Variants in TMEM163 observed in about 807,000 individuals in gnomAD.
The protein encoded by TMEM163 is transmembrane protein 163.
In TMEM163, 17 loss-of-function variants were observed where a neutral mutation model predicts 29.3. That is an observed-to-expected ratio of 0.58 (90% CI 0.40 to 0.87). The LOEUF (loss-of-function observed/expected upper bound fraction) is 0.87, where lower values mean the gene tolerates loss of function less well. TMEM163 is among the 40% of genes least tolerant of loss of function. TMEM163 has a pLI of 0.00. For missense variants in TMEM163, 303 were observed against 381.5 expected (o/e 0.79, Z 1.71); for synonymous variants, 157 against 160.6 (o/e 0.98, Z 0.17).
chr2:134,466,105 C>G lies in TMEM163; in HGVS notation c.667+9G>C. 6.2e-7 allele frequency: 1 copy of G among 1,606,954 alleles called. No homozygotes were observed. On this transcript the variant is annotated intron_variant, in intron 6 of 7. Coordinates refer to ENST00000281924, the MANE Select transcript of TMEM163 (RefSeq NM_030923.5). ...GCCCCCAGAGATTAGGCACCCTGGC[C>G]TTACTCACCATCTGTTATGAGTGCT... is the stretch of plus-strand genomic sequence containing the variant.
intron 5 of TMEM163, among the ~76,000 whole-genome samples, chr2:134,479,922 A>G (rs1197159607): frequency 2.0e-5 from 3 of 152,248 alleles, no homozygotes; most frequent in Non-Finnish European, 4.4e-5. Context: ...AGAGCTGACA[A>G]AATCTGATCT....
At chr2:134,538,133 C>T (rs1680580818) in intron 4 of TMEM163, among the ~76,000 whole-genome samples, 1 of 152,158 alleles carries the variant, frequency 6.6e-6, no homozygotes. Context: ...ATGTTAAAAC[C>T]ATTACCTCCA....
intron 5 of TMEM163, among the ~76,000 whole-genome samples, chr2:134,501,057 C>A (rs1679686222): frequency 6.6e-6 from 1 of 151,806 alleles, no homozygotes; most frequent in Non-Finnish European, 1.5e-5. Context: ...CACTAATTAC[C>A]CTAATCTGGT....
intron 4 of TMEM163, among the ~76,000 whole-genome samples, chr2:134,504,105 C>G (rs1037103658): frequency 2.6e-5 from 4 of 152,168 alleles, no homozygotes; most frequent in Non-Finnish European, 4.4e-5. Flanking sequence ...AGTCCCTTCT[C>G]TAGAGTAACA....
chr2:134,650,570 G>A (rs1333349417), intron 2 of TMEM163, among the ~76,000 whole-genome samples: 1 of 142,486 alleles, frequency 7.0e-6, no homozygotes, highest in Non-Finnish European at 1.5e-5. Flanking sequence ...TTAAGTTTTA[G>A]GGTACATGTG....
intron 5 of TMEM163, among the ~76,000 whole-genome samples, chr2:134,483,650 C>T (rs1679252780): frequency 6.6e-6 from 1 of 152,168 alleles, no homozygotes; most frequent in African/African-American, 2.4e-5. Context: ...CACTCCTGCC[C>T]CCCGGCCTTA....
intron 5 of TMEM163, among the ~76,000 whole-genome samples, chr2:134,470,668 G>A (rs1050926543): frequency 2.0e-5 from 3 of 152,142 alleles, no homozygotes; most frequent in African/African-American, 4.8e-5. Context: ...TGAACCCTGC[G>A]GAGGAACCCA....
rs574498484 is a variant in TMEM163, at chr2:134,510,006, C to T, written c.459-7009G>A. 7.9e-5 allele frequency among the ~76,000 whole-genome samples: 12 copies of T among 152,238 alleles called. No individual in the cohort carries two copies. The South Asian group carries it at 2.5e-3, about 32-fold the overall frequency. ...GGAGTTCAAAATGGAGATGCTGTTC[C>T]TGGAGCATTTGGCCCCAGGGGAGCA... On this transcript the variant is annotated intron_variant, in intron 4 of 7. Coordinates refer to ENST00000281924, the MANE Select transcript of TMEM163 (RefSeq NM_030923.5).
At chr2:134,574,980 CT>C (rs1681517477) in intron 2 of TMEM163, among the ~76,000 whole-genome samples, 1 of 148,242 alleles carries the variant, frequency 6.7e-6, no homozygotes, top group South Asian at 2.1e-4. Context: ...AGGGCTGTAA[CT>C]GTATGGTAGA....
intron 5 of TMEM163, among the ~76,000 whole-genome samples, chr2:134,483,838 T>C (rs140982502): frequency 6.6e-6 from 1 of 152,330 alleles, no homozygotes; most frequent in Non-Finnish European, 1.5e-5. Flanking sequence ...GAAAACATGA[T>C]TTTTGAGAGT....
chr2:134,601,100 T>G (rs993367046), intron 2 of TMEM163, among the ~76,000 whole-genome samples: 1 of 152,078 alleles, frequency 6.6e-6, no homozygotes, highest in Non-Finnish European at 1.5e-5. Flanking sequence ...TATTGTCTAG[T>G]TAACTATTAA....
At chr2:134,601,777 A>C (rs1682241641) in intron 2 of TMEM163, among the ~76,000 whole-genome samples, 1 of 152,356 alleles carries the variant, frequency 6.6e-6, no homozygotes, top group South Asian at 2.1e-4. Context: ...CGCATAATAA[A>C]TAAACATATG....
At chr2:134,510,697 A>G (rs1042506148) in intron 4 of TMEM163, among the ~76,000 whole-genome samples, 1 of 152,170 alleles carries the variant, frequency 6.6e-6, no homozygotes, top group South Asian at 2.1e-4. Flanking sequence ...TGCATCCAAG[A>G]GCAGGAAGTG....
At chr2:134,582,863 C>T (rs991830952) in intron 2 of TMEM163, among the ~76,000 whole-genome samples, 5 of 152,140 alleles carry the variant, frequency 3.3e-5, no homozygotes, top group Non-Finnish European at 7.4e-5. Context: ...AGAAAAATGG[C>T]TTCTGGGTCC....
At chr2:134,626,045 C>G (rs888248875) in intron 2 of TMEM163, among the ~76,000 whole-genome samples, 2 of 143,672 alleles carry the variant, frequency 1.4e-5, no homozygotes, top group Non-Finnish European at 3.0e-5. Flanking sequence ...GGCAAGGCTA[C>G]ATGTCACCTG....
rs543220801 is a variant in TMEM163, at chr2:134,682,072, A to G, written c.322+31128T>C. ...CTACGTAGTCTTTCAGCCTTTCTCA[A>G]TTGGGATGCCTCATCTGACCTACAG... is the stretch of plus-strand genomic sequence containing the variant. On this transcript the variant is annotated intron_variant, in intron 2 of 7. Coordinates refer to ENST00000281924, the MANE Select transcript of TMEM163 (RefSeq NM_030923.5). Among the ~76,000 whole-genome samples, 40 of 152,270 alleles carry G rather than the reference A, an allele frequency of 2.6e-4. 1 individual carries two copies. Among genetic ancestry groups the G allele is most frequent in the Admixed American group, 2.0e-3 (31 of 15,306 alleles).
chr2:134,528,471 G>C (rs543067532), intron 4 of TMEM163, among the ~76,000 whole-genome samples: 1 of 152,292 alleles, frequency 6.6e-6, no homozygotes, highest in East Asian at 1.9e-4. Flanking sequence ...CAAGGCATCT[G>C]ATAAGAGTTT....
At chr2:134,554,404 C>A (rs540937617) in intron 2 of TMEM163, among the ~76,000 whole-genome samples, 2 of 118,776 alleles carry the variant, frequency 1.7e-5, no homozygotes, top group Admixed American at 1.2e-4. Flanking sequence ...AGCTTGGTGA[C>A]AGAGCGAGAC....
intron 3 of TMEM163, among the ~76,000 whole-genome samples, chr2:134,551,511 A>C (rs1680923091): frequency 6.6e-6 from 1 of 152,156 alleles, no homozygotes. Context: ...TCTCAGCTGG[A>C]AAATCACAAG....
Sources: allele counts gnomAD v4.1 joint callset (sites outside exome capture counted in the v4.1 genomes callset), GRCh38; gene constraint gnomAD v4.1.1; transcripts MANE v1.5; gene names NCBI Gene and HGNC (gene_info 2026-07-23, HGNC 2026-07-21).